Variants in IGSF10 observed in about 807,000 individuals in gnomAD.
IGSF10 encodes immunoglobulin superfamily member 10, also known as calvaria mechanical force protein 608.
A neutral mutation model predicts 128.2 loss-of-function variants in IGSF10; 126 were observed. That is an observed-to-expected ratio of 0.98 (90% CI 0.85 to 1.14). IGSF10 has a LOEUF of 1.14. Among genes scored for constraint, IGSF10 ranks in the 50% most tolerant of loss-of-function variants. The pLI is 0.00. For synonymous variants in IGSF10, 1,185 were observed against 1,146.2 expected, an observed-to-expected ratio of 1.03 and a Z score of -0.68; for missense variants, 3,295 against 3,149.8, an observed-to-expected ratio of 1.05 and a Z score of -1.10.
rs773368017 is a variant in IGSF10, at chr3:151,448,230, G to A, written c.1751C>T (p.Thr584Ile). Residue 584 changes from threonine to isoleucine, a missense_variant, in exon 6 of 8, where the codon ACA becomes ATA. By Grantham distance (89) the Thr-to-Ile change is moderately conservative (BLOSUM62 -1). Transcript: ENST00000282466. ...EAYQENGIHH[T>I]VFIGETLDLP... Reference sequence around the variant, plus strand: ...ATCAAGTGTTTCACCAATGAAAACTGTGTGATGAATCCCATTTTCCTGATA... The same window carrying A: ...ATCAAGTGTTTCACCAATGAAAACTATGTGATGAATCCCATTTTCCTGATA... 8 of 1,614,028 alleles carry A rather than the reference G, an allele frequency of 5.0e-6. No individual in the cohort carries two copies. The South Asian group carries it at 7.7e-5, about 16-fold the overall frequency.
intron 7 of IGSF10, 147 bp downstream of exon 7, chr3:151,442,837 G>GT (rs927143447): frequency 1.4e-4 from 81 of 574,112 alleles, no homozygotes; most frequent in East Asian, 6.1e-4. Flanking sequence ...CAAAAGATTA[G>GT]TTTTTTTTGA....
intron 4 of IGSF10, 64 bp downstream of exon 4, chr3:151,456,962 G>T: frequency 3.2e-6 from 5 of 1,545,958 alleles, no homozygotes. Flanking sequence ...GGCAGCCTTT[G>T]AAGGTCTATC....
At chr3:151,602,526 A>G in the IGSF10 span, among the ~76,000 whole-genome samples, 213 of 152,258 alleles carry the variant, frequency 1.4e-3, no homozygotes, top group Non-Finnish European at 2.6e-3. Context: ...ATTGGTTTTG[A>G]TTGGCTTATC....
At chr3:151,592,434 G>T in the IGSF10 span, among the ~76,000 whole-genome samples, 1 of 152,036 alleles carries the variant, frequency 6.6e-6, no homozygotes, top group Non-Finnish European at 1.5e-5. Flanking sequence ...GGCAGCATGT[G>T]CATCAGGTTT....
At chr3:151,439,877 C>T (rs1289064634) in intron 7 of IGSF10, among the ~76,000 whole-genome samples, 1 of 152,226 alleles carries the variant, frequency 6.6e-6, no homozygotes, top group East Asian at 1.9e-4. Flanking sequence ...AAAGTGCTAT[C>T]AGGGATACCT....
At chr3:151,468,983 T>C in the IGSF10 span, among the ~76,000 whole-genome samples, 4 of 152,218 alleles carry the variant, frequency 2.6e-5, no homozygotes, top group Non-Finnish European at 4.4e-5. Flanking sequence ...TGAGAACATA[T>C]GGTGTTTGGT....
At chr3:151,568,055 A>G in the IGSF10 span, among the ~76,000 whole-genome samples, 1 of 152,158 alleles carries the variant, frequency 6.6e-6, no homozygotes, top group Non-Finnish European at 1.5e-5. Context: ...ATCTTTGGGT[A>G]CCTACTAGTT....
the IGSF10 span, among the ~76,000 whole-genome samples, chr3:151,516,684 T>C: frequency 6.6e-6 from 1 of 151,236 alleles, no homozygotes; most frequent in Non-Finnish European, 1.5e-5. Context: ...ATTGGTCCAC[T>C]CCTCTTAACC....
chr3:151,485,313 A>C, the IGSF10 span, among the ~76,000 whole-genome samples: 6 of 152,332 alleles, frequency 3.9e-5, no homozygotes, highest in Admixed American at 1.3e-4. Flanking sequence ...AAAAAGACCA[A>C]ATCTATGTTT....
chr3:151,605,815 A>C, the IGSF10 span, among the ~76,000 whole-genome samples: 1 of 152,206 alleles, frequency 6.6e-6, no homozygotes, highest in African/African-American at 2.4e-5. Context: ...AAGTCAAAGC[A>C]GTGGCCCCAA....
intron 7 of IGSF10, among the ~76,000 whole-genome samples, chr3:151,441,984 C>A (rs1720883893): frequency 6.6e-6 from 1 of 152,188 alleles, no homozygotes; most frequent in South Asian, 2.1e-4. Context: ...TGGCGTGAAC[C>A]TGGGAGGCGG....
chr3:151,499,271 A>C, the IGSF10 span, among the ~76,000 whole-genome samples: 1 of 152,168 alleles, frequency 6.6e-6, no homozygotes, highest in African/African-American at 2.4e-5. Flanking sequence ...TCTTTTGCTA[A>C]AAGGTAATGC....
chr3:151,452,002 T>C (rs1480825379), intron 5 of IGSF10, among the ~76,000 whole-genome samples: 2 of 152,194 alleles, frequency 1.3e-5, no homozygotes. Context: ...AAGGATTGCC[T>C]ACCACATGCC....
chr3:151,578,235 G>A, the IGSF10 span, among the ~76,000 whole-genome samples: 1 of 152,024 alleles, frequency 6.6e-6, no homozygotes. Flanking sequence ...CTAACTGTAG[G>A]GTAAGTGTAA....
intron 6 of IGSF10, 113 bp downstream of exon 6, chr3:151,444,806 T>C: frequency 1.0e-6 from 1 of 961,002 alleles, no homozygotes. Context: ...AGTTTCTTTG[T>C]CTTAGAAAAA....
the IGSF10 span, among the ~76,000 whole-genome samples, chr3:151,589,876 T>C: frequency 6.6e-6 from 1 of 152,198 alleles, no homozygotes; most frequent in Non-Finnish European, 1.5e-5. Flanking sequence ...GCTAGGAATA[T>C]ATTGCTTTGA....
the IGSF10 span, among the ~76,000 whole-genome samples, chr3:151,598,471 G>A: frequency 6.6e-6 from 1 of 152,162 alleles, no homozygotes; most frequent in Admixed American, 6.5e-5. Context: ...ATCCATGGGG[G>A]ATTGGTTCCA....
At chr3:151,540,016 C>T in the IGSF10 span, among the ~76,000 whole-genome samples, 4 of 152,194 alleles carry the variant, frequency 2.6e-5, no homozygotes, top group South Asian at 2.1e-4. Context: ...CTTAGCTGGG[C>T]GTCAGTGGTG....
the IGSF10 span, among the ~76,000 whole-genome samples, chr3:151,500,536 A>G: frequency 6.6e-6 from 1 of 152,164 alleles, no homozygotes. Flanking sequence ...AGTAATGGCC[A>G]GACATGGCAC....
Sources: allele counts gnomAD v4.1 joint callset (sites outside exome capture counted in the v4.1 genomes callset), GRCh38; gene constraint gnomAD v4.1.1; transcripts MANE v1.5; gene names NCBI Gene and HGNC (gene_info 2026-07-23, HGNC 2026-07-21).